HDAC8: variants seen among roughly 807,000 people sequenced by gnomAD.
The protein encoded by HDAC8 is histone deacetylase-like 1.
A neutral mutation model predicts 32.2 loss-of-function variants in HDAC8; 1 was observed. That is an observed-to-expected ratio of 0.03 (90% confidence interval 0.01 to 0.15). HDAC8 has a LOEUF of 0.15. HDAC8 is among the 10% of genes least tolerant of loss of function. The pLI is 1.00. For synonymous variants in HDAC8, 108 were observed against 113.9 expected (o/e 0.95, Z 0.33); for missense variants, 117 against 300.0 (o/e 0.39, Z 4.51).
At chrX:72,512,840 A>G (rs1461921666) in intron 4 of HDAC8, among the ~76,000 whole-genome samples, 1 of 111,196 alleles carries the variant, frequency 9.0e-6, no homozygotes, top group Non-Finnish European at 1.9e-5. Flanking sequence ...ACAGGAAGAA[A>G]GATCCTTTCT....
chrX:72,486,076 C>T (rs184651530), intron 7 of HDAC8, among the ~76,000 whole-genome samples: 1,421 of 109,921 alleles, frequency 0.013, 27 homozygotes, highest in African/African-American at 0.045. Context: ...GAGCCTAGAT[C>T]GCCGACAGAG....
At chrX:72,339,881 T>C (rs1555944436) in intron 10 of HDAC8, among the ~76,000 whole-genome samples, 1 of 112,259 alleles carries the variant, frequency 8.9e-6, no homozygotes, top group African/African-American at 3.2e-5. Context: ...CTGCATTGCT[T>C]GCCTTGGAAT....
chrX:72,382,764 TG>T (rs1346380668), intron 9 of HDAC8, among the ~76,000 whole-genome samples: 1 of 111,544 alleles, frequency 9.0e-6, no homozygotes, highest in Non-Finnish European at 1.9e-5. Flanking sequence ...CTAGTGAGCA[TG>T]GGATTTCTTT....
At chrX:72,481,830 G>A (rs1295703821) in intron 7 of HDAC8, among the ~76,000 whole-genome samples, 1 of 109,549 alleles carries the variant, frequency 9.1e-6, no homozygotes, top group Non-Finnish European at 1.9e-5. Context: ...GGCTGGTCTT[G>A]AACCCCTAGC....
At chrX:72,513,707 C>G (rs1556023205) in intron 4 of HDAC8, among the ~76,000 whole-genome samples, 2 of 111,060 alleles carry the variant, frequency 1.8e-5, no homozygotes, top group African/African-American at 6.6e-5. Context: ...TATTATTTAT[C>G]TTGAATAAAA....
At chrX:72,510,600 A>C (rs1226009115) in intron 4 of HDAC8, among the ~76,000 whole-genome samples, 1 of 111,737 alleles carries the variant, frequency 8.9e-6, no homozygotes, top group Admixed American at 9.5e-5. Context: ...CACCACCAAG[A>C]ATCTTAGATA....
chrX:72,413,986 A>G (rs868906204), intron 9 of HDAC8, among the ~76,000 whole-genome samples: 1 of 112,022 alleles, frequency 8.9e-6, no homozygotes, highest in African/African-American at 3.2e-5. Flanking sequence ...TTCATCCCCC[A>G]GAGACTCCTC....
At chrX:72,493,709 T>C (rs1280998306) in intron 5 of HDAC8, among the ~76,000 whole-genome samples, 4 of 112,046 alleles carry the variant, frequency 3.6e-5, no homozygotes, top group African/African-American at 1.3e-4. Context: ...TATTTTATTT[T>C]TTTAAGAGAC....
At chrX:72,544,362 C>T (rs1164743854) in intron 4 of HDAC8, among the ~76,000 whole-genome samples, 1 of 111,569 alleles carries the variant, frequency 9.0e-6, no homozygotes, top group African/African-American at 3.3e-5. Context: ...TAGGCCAGGG[C>T]TGGGGTAGAA....
rs568742516 is a variant in HDAC8, at chrX:72,360,061, GA to G, written c.1006-8224del. On this transcript the variant is annotated intron_variant, in intron 9 of 10. Transcript: ENST00000373573. ...ACAGTGGGACCCTGTCTCAAAAAAA[GA>G]AAAAAAAAAAAAGTCTGGGCGTGGT... Among the ~76,000 whole-genome samples the G allele has an allele frequency of 1.4e-3, 117 of 82,461 alleles. 2 individuals carry two copies. Among genetic ancestry groups the G allele is most frequent in the African/African-American group, 2.6e-3 (61 of 23,459 alleles). 71.6% of individuals were successfully genotyped at this position (82,461 alleles called of 115,157 possible).
chrX:72,542,599 A>G (rs2050741564), intron 4 of HDAC8, among the ~76,000 whole-genome samples: 1 of 111,954 alleles, frequency 8.9e-6, no homozygotes, highest in South Asian at 3.8e-4. Context: ...TCTTAGCCTT[A>G]GGTTTGCTGG....
At chrX:72,507,223 TG>T (rs1661653888) in intron 4 of HDAC8, among the ~76,000 whole-genome samples, 1 of 111,147 alleles carries the variant, frequency 9.0e-6, no homozygotes, top group African/African-American at 3.3e-5. Context: ...AACTGACCTT[TG>T]CCATTGTCTC....
chrX:72,352,649 G>T (rs2044217173), intron 9 of HDAC8, among the ~76,000 whole-genome samples: 1 of 112,111 alleles, frequency 8.9e-6, no homozygotes, highest in Admixed American at 9.5e-5. Context: ...GAATGGCAAA[G>T]AAGTCTAGTT....
chrX:72,438,292 G>C (rs2047012871), intron 9 of HDAC8, among the ~76,000 whole-genome samples: 1 of 112,116 alleles, frequency 8.9e-6, no homozygotes, highest in African/African-American at 3.2e-5. Flanking sequence ...GAAAGGAATA[G>C]CACCAACACC....
intron 7 of HDAC8, among the ~76,000 whole-genome samples, chrX:72,468,306 G>T (rs891341801): frequency 9.0e-6 from 1 of 111,304 alleles, no homozygotes; most frequent in African/African-American, 3.3e-5. Flanking sequence ...GGCAAAAAGG[G>T]TATTGAAGCA....
chrX:72,387,188 C>G (rs2045461009), intron 9 of HDAC8, among the ~76,000 whole-genome samples: 1 of 112,372 alleles, frequency 8.9e-6, no homozygotes, highest in South Asian at 3.7e-4. Flanking sequence ...GTTAGCTAAG[C>G]CTAGTTCCTT....
At chrX:72,545,756 G>A (rs782136360) in intron 4 of HDAC8, among the ~76,000 whole-genome samples, 33 of 112,023 alleles carry the variant, frequency 2.9e-4, no homozygotes, top group Non-Finnish European at 2.6e-4. Flanking sequence ...GTAAAGGCCT[G>A]TTGGTTTTGT....
At chrX:72,433,192 A>G (rs2046864821) in intron 9 of HDAC8, among the ~76,000 whole-genome samples, 1 of 111,612 alleles carries the variant, frequency 9.0e-6, no homozygotes, top group Non-Finnish European at 1.9e-5. Flanking sequence ...AATATCTGGC[A>G]ATGTCTGAAG....
intron 10 of HDAC8, chrX:72,351,164 G>T: frequency 6.0e-6 from 1 of 166,902 alleles, no homozygotes; most frequent in South Asian, 8.9e-5. Context: ...CAGTGGTGTG[G>T]GCATGGCTCA....
Sources: allele counts gnomAD v4.1 joint callset (sites outside exome capture counted in the v4.1 genomes callset), GRCh38; gene constraint gnomAD v4.1.1; transcripts MANE v1.5; gene names NCBI Gene and HGNC (gene_info 2026-07-23, HGNC 2026-07-21).